Variants in IL1RAPL1 observed in about 807,000 individuals in gnomAD.
The protein encoded by IL1RAPL1 is interleukin 1 receptor accessory protein like 1.
In IL1RAPL1, 3 loss-of-function variants were observed where a neutral mutation model predicts 48.4. That is an observed-to-expected ratio of 0.06 (90% CI 0.03 to 0.16). The LOEUF is 0.16. Ranked by LOEUF, IL1RAPL1 falls within the 10% of genes least tolerant of loss-of-function variation. The probability of loss-of-function intolerance (pLI) is 1.00; values close to 1 mark genes in which losing one functional copy is unlikely to be tolerated. For synonymous variants in IL1RAPL1, 185 were observed against 187.7 expected, an observed-to-expected ratio of 0.99 and a Z score of 0.12; for missense variants, 349 against 530.6, an observed-to-expected ratio of 0.66 and a Z score of 3.36.
chrX:29,576,238 T>C (rs910566607), intron 5 of IL1RAPL1, among the ~76,000 whole-genome samples: 10 of 111,894 alleles, frequency 8.9e-5, no homozygotes, highest in African/African-American at 3.3e-4. Context: ...GTAATCTTCT[T>C]TTTTAACACC....
intron 2 of IL1RAPL1, among the ~76,000 whole-genome samples, chrX:28,913,825 T>C (rs905658375): frequency 3.6e-5 from 4 of 112,162 alleles, no homozygotes; most frequent in Non-Finnish European, 7.5e-5. Context: ...TAGTTGAAGT[T>C]CAGCTCTGGC....
chrX:28,848,003 C>T (rs1046900473), intron 2 of IL1RAPL1, among the ~76,000 whole-genome samples: 8 of 111,550 alleles, frequency 7.2e-5, no homozygotes, highest in Admixed American at 1.9e-4. Flanking sequence ...AACGAGTTCA[C>T]GTCCTTTGCA....
intron 6 of IL1RAPL1, among the ~76,000 whole-genome samples, chrX:29,756,571 C>G (rs113818907): frequency 1.0e-4 from 11 of 109,888 alleles, no homozygotes; most frequent in Admixed American, 2.9e-4. Flanking sequence ...CACCACCATG[C>G]CAGACTTATT....
At chrX:29,586,803 G>A (rs1342630412) in intron 5 of IL1RAPL1, among the ~76,000 whole-genome samples, 1 of 110,921 alleles carries the variant, frequency 9.0e-6, no homozygotes, top group Non-Finnish European at 1.9e-5. Context: ...ATGTAAATGG[G>A]ATTATTTTAT....
chrX:29,676,459 C>A (rs941561797), intron 6 of IL1RAPL1, among the ~76,000 whole-genome samples: 1 of 111,293 alleles, frequency 9.0e-6, no homozygotes, highest in African/African-American at 3.3e-5. Flanking sequence ...TTTCCATCTC[C>A]CCTTTAAGGA....
intron 3 of IL1RAPL1, among the ~76,000 whole-genome samples, chrX:29,359,133 G>A (rs758293570): frequency 9.0e-6 from 1 of 111,726 alleles, no homozygotes; most frequent in East Asian, 2.8e-4. Context: ...CAATAGGCTA[G>A]TATAAAGAAA....
chrX:28,592,152 AT>A (rs1933913417), intron 1 of IL1RAPL1, among the ~76,000 whole-genome samples: 1 of 112,030 alleles, frequency 8.9e-6, no homozygotes, highest in African/African-American at 3.2e-5. Context: ...ATATGGGAAT[AT>A]AGTTGTCTTA....
intron 2 of IL1RAPL1, among the ~76,000 whole-genome samples, chrX:28,811,451 A>G (rs952033370): frequency 1.2e-4 from 13 of 110,582 alleles, no homozygotes; most frequent in Admixed American, 1.2e-3. Flanking sequence ...ATAGATTGCT[A>G]TCAATATTCT....
intron 5 of IL1RAPL1, among the ~76,000 whole-genome samples, chrX:29,507,690 C>T (rs1443209405): frequency 1.8e-5 from 2 of 108,895 alleles, no homozygotes; most frequent in South Asian, 8.1e-4. Flanking sequence ...TTAGATAGTA[C>T]CTATAGTGTG....
intron 5 of IL1RAPL1, among the ~76,000 whole-genome samples, chrX:29,573,282 C>A (rs1424701540): frequency 8.9e-6 from 1 of 112,260 alleles, no homozygotes; most frequent in Non-Finnish European, 1.9e-5. Flanking sequence ...ACATTCAGAC[C>A]ATAACAAGAA....
chrX:29,001,805 C>T (rs998416419), intron 2 of IL1RAPL1, among the ~76,000 whole-genome samples: 2 of 110,207 alleles, frequency 1.8e-5, no homozygotes, highest in African/African-American at 3.3e-5. Context: ...CATTTAGAAA[C>T]GTTATTCTTC....
In IL1RAPL1 at chrX:29,283,223, C is replaced by A; in HGVS notation, c.362+6C>A. ...CTCTACGCCTGTGTCATCAGGTATC[C>A]CTTTAATTCTATTACTGCTGAATCA... On this transcript the variant is annotated splice_donor_region_variant and intron_variant, in intron 3 of 10. Coordinates refer to ENST00000378993, the MANE Select transcript of IL1RAPL1 (RefSeq NM_014271.4). 1 of 1,207,464 alleles carries A rather than the reference C, an allele frequency of 8.3e-7. No homozygotes were observed. The highest frequency in any genetic ancestry group is 1.8e-5 in the South Asian group (1 of 56,880).
intron 2 of IL1RAPL1, among the ~76,000 whole-genome samples, chrX:29,080,972 CTTTCTTTCTTTCTTTCTTTCTT>C (rs1489221872): frequency 1.2e-4 from 5 of 43,399 alleles, no homozygotes; most frequent in African/African-American, 4.7e-4. Context: ...TTCTTTCTTT[CTTTCTTTCTTTCTTTCTTTCTT>C]TCTCTCTCTC....
At chrX:29,255,142 C>CGCGT in intron 2 of IL1RAPL1, among the ~76,000 whole-genome samples, 1 of 62,461 alleles carries the variant, frequency 1.6e-5, no homozygotes, top group Admixed American at 1.5e-4. Flanking sequence ...TGTGTGTGTG[C>CGCGT]GTGTGTGTGT....
chrX:29,929,276 A>G (rs1016898265), intron 8 of IL1RAPL1, among the ~76,000 whole-genome samples: 1 of 111,697 alleles, frequency 9.0e-6, no homozygotes. Flanking sequence ...AAAAATGGAC[A>G]GTTACCTGAG....
At chrX:29,627,520 A>G (rs1256344406) in intron 5 of IL1RAPL1, among the ~76,000 whole-genome samples, 1 of 112,134 alleles carries the variant, frequency 8.9e-6, no homozygotes, top group Non-Finnish European at 1.9e-5. Flanking sequence ...TATTTACACC[A>G]TCGATTTGTT....
chrX:29,449,738 TACACACACACACACACACAC>T (rs539577442), intron 5 of IL1RAPL1, among the ~76,000 whole-genome samples: 1 of 63,927 alleles, frequency 1.6e-5, no homozygotes, highest in Non-Finnish European at 2.9e-5. Context: ...TACATATGCA[TACACACACACACACACACAC>T]ACACACACAC....
At chrX:29,904,743 G>A (rs1166519197) in intron 6 of IL1RAPL1, among the ~76,000 whole-genome samples, 1 of 111,693 alleles carries the variant, frequency 9.0e-6, no homozygotes, top group Non-Finnish European at 1.9e-5. Flanking sequence ...TGGTGTATCT[G>A]TGCCACATTT....
intron 6 of IL1RAPL1, among the ~76,000 whole-genome samples, chrX:29,878,500 A>G (rs1426577558): frequency 8.9e-6 from 1 of 112,154 alleles, no homozygotes; most frequent in Non-Finnish European, 1.9e-5. Context: ...GGAGCCAATT[A>G]TTTGTATTTA....
Sources: allele counts gnomAD v4.1 joint callset (sites outside exome capture counted in the v4.1 genomes callset), GRCh38; gene constraint gnomAD v4.1.1; transcripts MANE v1.5; gene names NCBI Gene and HGNC (gene_info 2026-07-23, HGNC 2026-07-21).